Variants in CRACD observed in about 807,000 individuals in gnomAD.
CRACD encodes the protein capping protein inhibiting regulator of actin dynamics.
CRACD carries 56 observed loss-of-function variants against 106.8 expected under a neutral mutation model. The ratio of observed to expected loss-of-function variants is 0.52; its 90% CI spans 0.42 to 0.66. The LOEUF is 0.66. CRACD is among the 30% of genes least tolerant of loss of function. The pLI is 0.00. For missense variants in CRACD, 1,730 were observed against 1,623.2 expected (o/e 1.07, Z -1.13); for synonymous variants, 754 against 670.8 (o/e 1.12, Z -1.92).
intron 1 of CRACD, among the ~76,000 whole-genome samples, chr4:56,121,403 T>C (rs551860325): frequency 1.3e-5 from 2 of 152,284 alleles, no homozygotes; most frequent in Non-Finnish European, 2.9e-5. Context: ...TGAGCCATCA[T>C]TGTTTATTTG....
At position 56,202,531 on chromosome 4, in the gene CRACD, G is replaced by A. The variant is rs537112482; in HGVS notation, c.-189+23101G>A. Among the ~76,000 whole-genome samples the A allele has an allele frequency of 3.7e-3, 558 of 152,302 alleles. 2 individuals carry two copies. Among genetic ancestry groups the A allele is most frequent in the Middle Eastern group, 6.8e-3 (2 of 294 alleles). Reference sequence around the variant, plus strand: ...CAAAGTGCTGGGATTACAGGTGTGAGCCACCGCGCCCAGCATCAGCAACAT... The same window carrying A: ...CAAAGTGCTGGGATTACAGGTGTGAACCACCGCGCCCAGCATCAGCAACAT... On this transcript the variant is annotated intron_variant, in intron 2 of 10. Coordinates refer to ENST00000682029, the MANE Select transcript of CRACD (RefSeq NM_001393381.1).
chr4:56,063,607 G>T (rs1732357810), intron 1 of CRACD, among the ~76,000 whole-genome samples: 2 of 152,062 alleles, frequency 1.3e-5, no homozygotes, highest in South Asian at 2.1e-4. Context: ...TTTGCCTATT[G>T]TATAACTGGG....
chr4:56,128,157 G>A (rs1368812939), intron 1 of CRACD, among the ~76,000 whole-genome samples: 2 of 152,100 alleles, frequency 1.3e-5, no homozygotes, highest in Non-Finnish European at 2.9e-5. Context: ...GGTCTAGGGA[G>A]GGGGCTGAAA....
At chr4:56,312,937 G>C (rs567111120) in intron 6 of CRACD, among the ~76,000 whole-genome samples, 23 of 152,326 alleles carry the variant, frequency 1.5e-4, no homozygotes, top group African/African-American at 5.5e-4. Flanking sequence ...CCTCATATTA[G>C]TCAAAGTAGG....
chr4:56,294,061 A>G (rs558884137), intron 3 of CRACD, among the ~76,000 whole-genome samples: 208 of 152,248 alleles, frequency 1.4e-3, no homozygotes, highest in African/African-American at 4.9e-3. Context: ...ACTCATCTCT[A>G]CAAAAAATTT....
At chr4:56,321,948 T>C (rs914062436) in intron 8 of CRACD, among the ~76,000 whole-genome samples, 2 of 152,200 alleles carry the variant, frequency 1.3e-5, no homozygotes, top group Non-Finnish European at 2.9e-5. Flanking sequence ...TATTTTCTCA[T>C]CACTGCTCTT....
intron 4 of CRACD, among the ~76,000 whole-genome samples, chr4:56,304,312 C>CTTTTTTTTTTTTTTTTTT (rs10551073): frequency 7.8e-6 from 1 of 127,970 alleles, no homozygotes. Flanking sequence ...GTTCTTATTC[C>CTTTTTTTTTTTTTTTTTT]TTTTTTTTTT....
intron 1 of CRACD, among the ~76,000 whole-genome samples, chr4:56,167,453 T>C (rs535000467): frequency 4.6e-5 from 7 of 152,226 alleles, no homozygotes; most frequent in Non-Finnish European, 1.0e-4. Flanking sequence ...CATATCATCA[T>C]CTCAAATACC....
At chr4:56,142,766 A>AT (rs1455665543) in intron 1 of CRACD, among the ~76,000 whole-genome samples, 1 of 152,092 alleles carries the variant, frequency 6.6e-6, no homozygotes, top group Non-Finnish European at 1.5e-5. Flanking sequence ...TGTTTAGTTG[A>AT]TTGTCACAAC....
intron 6 of CRACD, 54 bp downstream of exon 6, chr4:56,310,788 T>C (rs1577895353): frequency 7.9e-6 from 8 of 1,014,570 alleles, no homozygotes; most frequent in Admixed American, 2.2e-5. Context: ...AACTTTCATC[T>C]TCCCCCCCCC....
intron 1 of CRACD, among the ~76,000 whole-genome samples, chr4:56,062,681 G>A (rs1028737650): frequency 3.3e-5 from 5 of 152,160 alleles, no homozygotes; most frequent in African/African-American, 9.7e-5. Context: ...TTCTGCTGAC[G>A]TGGAATCCAG....
At chr4:56,269,790 C>T (rs116669777) in intron 2 of CRACD, among the ~76,000 whole-genome samples, 2,118 of 152,060 alleles carry the variant, frequency 0.014, 16 homozygotes, top group Non-Finnish European at 0.018. Context: ...TTCAATATCA[C>T]GAGGACAGCA....
At chr4:56,094,507 A>G (rs1214052327) in intron 1 of CRACD, among the ~76,000 whole-genome samples, 1 of 145,368 alleles carries the variant, frequency 6.9e-6, no homozygotes, top group African/African-American at 2.6e-5. Flanking sequence ...CGGCTCACTG[A>G]AACCTCCATC....
chr4:56,289,793 C>G (rs1384365187), intron 3 of CRACD, among the ~76,000 whole-genome samples: 1 of 152,064 alleles, frequency 6.6e-6, no homozygotes, highest in Non-Finnish European at 1.5e-5. Context: ...TTGTCGTGAT[C>G]TAGCAGCCAC....
intron 1 of CRACD, among the ~76,000 whole-genome samples, chr4:56,172,752 C>A (rs1736425951): frequency 6.6e-6 from 1 of 152,020 alleles, no homozygotes; most frequent in South Asian, 2.1e-4. Context: ...GCCTCCTGAG[C>A]AGCTGGGACT....
chr4:56,090,864 C>T (rs1286942341), intron 1 of CRACD, among the ~76,000 whole-genome samples: 2 of 152,090 alleles, frequency 1.3e-5, no homozygotes, highest in Non-Finnish European at 2.9e-5. Flanking sequence ...GACTCTGTTA[C>T]GCAGAGGTTT....
intron 1 of CRACD, among the ~76,000 whole-genome samples, chr4:56,096,053 G>A (rs1733590803): frequency 6.6e-6 from 1 of 152,146 alleles, no homozygotes; most frequent in Non-Finnish European, 1.5e-5. Context: ...ATATTGAGGT[G>A]AGGAGGATTG....
intron 2 of CRACD, among the ~76,000 whole-genome samples, chr4:56,250,922 C>A (rs1318244189): frequency 6.6e-6 from 1 of 152,152 alleles, no homozygotes; most frequent in Non-Finnish European, 1.5e-5. Context: ...TTCTCAGTAA[C>A]CACTGGGAAT....
Position 56,307,700 on chromosome 4 carries a change from G to A in CRACD, c.285+1G>A, listed in dbSNP as rs1194171185. On this transcript the variant is annotated splice_donor_variant, in intron 5 of 10. Coordinates refer to ENST00000682029, the MANE Select transcript of CRACD (RefSeq NM_001393381.1). LOFTEE classifies it high-confidence loss of function. ...CGTCCTCTCAGACGCAGAGAACAAG[G>A]TAAGTCTCCTCCAGGGAATGACTTG... The A allele has an allele frequency of 6.2e-7, 1 of 1,613,918 alleles. No individual in the cohort carries two copies. The highest frequency in any genetic ancestry group is 8.5e-7 in the Non-Finnish European group (1 of 1,180,002).
Sources: allele counts gnomAD v4.1 joint callset (sites outside exome capture counted in the v4.1 genomes callset), GRCh38; gene constraint gnomAD v4.1.1; transcripts MANE v1.5; gene names NCBI Gene and HGNC (gene_info 2026-07-23, HGNC 2026-07-21).